The following BCLAF3 variants were observed in gnomAD, a reference collection of about 807,000 sequenced individuals.
BCLAF3 encodes the protein BCLAF1 and THRAP3 family member 3.
In BCLAF3, 24 loss-of-function variants were observed where a neutral mutation model predicts 51.2. The observed-to-expected ratio is 0.47, with a 90% CI of 0.34 to 0.66. The LOEUF (loss-of-function observed/expected upper bound fraction) is 0.66. Among genes scored for constraint, BCLAF3 ranks in the 30% least tolerant of loss-of-function variants. The pLI, the probability that BCLAF3 is intolerant of heterozygous loss-of-function variation, is 0.01. For missense variants in BCLAF3, 465 were observed against 525.1 expected, an observed-to-expected ratio of 0.89 and a Z score of 1.12; for synonymous variants, 152 against 176.6, an observed-to-expected ratio of 0.86 and a Z score of 1.10.
At chrX:19,974,150 G>A (rs1373724304) in intron 1 of BCLAF3, among the ~76,000 whole-genome samples, 2 of 111,906 alleles carry the variant, frequency 1.8e-5, no homozygotes, top group African/African-American at 3.3e-5. Flanking sequence ...CTCAAATGCC[G>A]TATTTTCTAT....
In BCLAF3 at chrX:19,916,472, A is replaced by T. The variant is rs938596257; in HGVS notation, c.*833T>A. The T allele has an allele frequency of 1.8e-5, 2 of 112,571 alleles. No homozygotes were observed. The highest frequency in any genetic ancestry group is 1.9e-4 in the Admixed American group (2 of 10,514). The allele number at this position is 112,571 out of a possible 1,213,427, so 9.3% of individuals were successfully genotyped here. ...CTGAACTAAAAGTAAACACTCTATA[A>T]GATGTGCTTGCAAAATGTGTAATGC... On this transcript the variant is annotated 3_prime_UTR_variant, in exon 12 of 12. Coordinates refer to ENST00000379682, the MANE Select transcript of BCLAF3 (RefSeq NM_001367774.2).
chrX:19,933,533 C>T (rs2070641615), intron 10 of BCLAF3, among the ~76,000 whole-genome samples: 1 of 111,099 alleles, frequency 9.0e-6, no homozygotes, highest in Non-Finnish European at 1.9e-5. Flanking sequence ...CATAATTTTA[C>T]AAAAAAAATT....
chrX:19,928,252 A>G (rs1311936454), intron 11 of BCLAF3, among the ~76,000 whole-genome samples: 1 of 110,809 alleles, frequency 9.0e-6, no homozygotes, highest in Non-Finnish European at 1.9e-5. Context: ...AAGAGTATGC[A>G]ATTCCAATTA....
chrX:19,986,195 C>T (rs1340393073), intron 1 of BCLAF3, among the ~76,000 whole-genome samples: 1 of 110,915 alleles, frequency 9.0e-6, no homozygotes, highest in African/African-American at 3.3e-5. Flanking sequence ...AGACCTCTAC[C>T]AAATAAATTT....
At chrX:19,980,847 G>A (rs979644680) in intron 1 of BCLAF3, among the ~76,000 whole-genome samples, 3 of 108,643 alleles carry the variant, frequency 2.8e-5, no homozygotes, top group African/African-American at 1.0e-4. Context: ...GCTGAGACAC[G>A]AGAATCGCTT....
At chrX:19,969,352 T>C (rs1353312643) in intron 2 of BCLAF3, among the ~76,000 whole-genome samples, 5 of 112,072 alleles carry the variant, frequency 4.5e-5, no homozygotes, top group Non-Finnish European at 9.4e-5. Flanking sequence ...CTTTTTTGTG[T>C]GAAATGATGG....
Position 19,935,809 on chromosome X carries a change from C to T in BCLAF3, c.1950G>A (p.Lys650=). The change falls in exon 10 of 12, where the codon AAG becomes AAA. Residue 650 remains lysine (K), a splice_region_variant and synonymous_variant. Transcript: ENST00000379682. ...NHRNTRVRPF[K]SNFRGGRCQP... ...TTAAATGGAAAACAACACTCAATACCTTAAAAGGTCTTACTCTTGTGTTTC... is the reference window on the plus strand; with the variant it reads ...TTAAATGGAAAACAACACTCAATACTTTAAAAGGTCTTACTCTTGTGTTTC... 8.3e-7 allele frequency: 1 copy of T among 1,197,936 alleles called. No homozygotes were observed. The highest frequency in any genetic ancestry group is 1.1e-6 in the Non-Finnish European group (1 of 883,760).
intron 8 of BCLAF3, among the ~76,000 whole-genome samples, chrX:19,939,695 T>C (rs969609393): frequency 8.9e-6 from 1 of 112,095 alleles, no homozygotes; most frequent in Non-Finnish European, 1.9e-5. Flanking sequence ...AAACAAAATG[T>C]AGTACAGCCA....
At chrX:19,934,942 T>C (rs771547191) in intron 10 of BCLAF3, among the ~76,000 whole-genome samples, 8 of 111,902 alleles carry the variant, frequency 7.1e-5, no homozygotes, top group African/African-American at 2.3e-4. Flanking sequence ...TCCCAGCACT[T>C]TGGAAGGCCA....
At chrX:19,988,556 G>C (rs914793915) in intron 1 of BCLAF3, among the ~76,000 whole-genome samples, 2 of 111,705 alleles carry the variant, frequency 1.8e-5, no homozygotes, top group Non-Finnish European at 3.8e-5. Context: ...AGAATCGCTC[G>C]AGCTCAGGAG....
chrX:19,983,128 T>A (rs1037590921), intron 1 of BCLAF3, among the ~76,000 whole-genome samples: 4 of 105,599 alleles, frequency 3.8e-5, no homozygotes, highest in African/African-American at 1.4e-4. Flanking sequence ...CTAAATTTTT[T>A]TGTATTTTTA....
At chrX:19,928,309 G>A (rs1032973700) in intron 11 of BCLAF3, among the ~76,000 whole-genome samples, 8 of 110,783 alleles carry the variant, frequency 7.2e-5, no homozygotes, top group African/African-American at 2.6e-4. Context: ...TCGGCCAGGC[G>A]TGGTAGCTCA....
intron 8 of BCLAF3, among the ~76,000 whole-genome samples, chrX:19,940,939 C>G (rs1336610056): frequency 9.1e-6 from 1 of 110,355 alleles, no homozygotes; most frequent in Non-Finnish European, 1.9e-5. Flanking sequence ...CCTGTTGTTT[C>G]CTGACTTTTT....
intron 2 of BCLAF3, among the ~76,000 whole-genome samples, chrX:19,967,760 G>A (rs896452517): frequency 3.6e-5 from 4 of 111,875 alleles, no homozygotes; most frequent in Non-Finnish European, 3.8e-5. Flanking sequence ...TGGAGTTGGC[G>A]CAACCATGAG....
chrX:19,974,961 A>G (rs185111232), intron 1 of BCLAF3, among the ~76,000 whole-genome samples: 1 of 112,353 alleles, frequency 8.9e-6, no homozygotes, highest in African/African-American at 3.2e-5. Context: ...TATACCTCAA[A>G]GCTGTAAAAA....
chrX:19,916,526 T>C lies in BCLAF3; in HGVS notation c.*779A>G, dbSNP rs190058930. 6.4e-4 allele frequency: 72 copies of C among 112,597 alleles called. No homozygotes were observed. Among genetic ancestry groups the C allele is most frequent in the Non-Finnish European group, 2.1e-4 (11 of 53,229 alleles). The allele number at this position is 112,597 out of a possible 1,213,427, so 9.3% of individuals were successfully genotyped here. A position where few individuals can be genotyped will look rare whatever the true frequency, so the allele number is the denominator to read the frequency against. ...AGTAGTAAAGTACAATTTTCAAATA[T>C]GAGATTTTGTTTGTCAGATTTTTAA... On this transcript the variant is annotated 3_prime_UTR_variant, in exon 12 of 12. Coordinates refer to ENST00000379682, the MANE Select transcript of BCLAF3 (RefSeq NM_001367774.2).
chrX:19,940,654 T>C (rs1215431974), intron 8 of BCLAF3, among the ~76,000 whole-genome samples: 1 of 109,390 alleles, frequency 9.1e-6, no homozygotes, highest in Non-Finnish European at 1.9e-5. Flanking sequence ...CCACATTTTC[T>C]TAATCCAGTC....
rs184381527 is a variant in BCLAF3 at position 19,922,614 on chromosome X, G to A, written c.2107-5280C>T. Among the ~76,000 whole-genome samples, 557 of 111,146 alleles carry A rather than the reference G, an allele frequency of 5.0e-3. 6 individuals are homozygous for A. Among genetic ancestry groups the A allele is most frequent in the African/African-American group, 0.017 (535 of 30,584 alleles). On this transcript the variant is annotated intron_variant, in intron 11 of 11. Coordinates refer to ENST00000379682, the MANE Select transcript of BCLAF3 (RefSeq NM_001367774.2). The stretch of plus-strand genomic sequence containing the variant: ...ACTTTTAAAGATAAAATTCTATGGA[G>A]GGGCCAGGTGCAGTGGCTCATGCCT...
chrX:19,953,841 A>G lies in BCLAF3; in HGVS notation c.1502T>C (p.Met501Thr). Residue 501 changes from methionine (M) to threonine (T), a missense_variant, in exon 6 of 12, where the codon ATG (methionine) becomes ACG (threonine). Coordinates refer to ENST00000379682, the MANE Select transcript of BCLAF3 (RefSeq NM_001367774.2). ...TACATCTGCCTTGTGTATATCTTGC[A>G]TTGTTGAGAAACGCTCATGTAAAGT... ...GITLHERFST[M>T]QDIHKADVNE... 1 of 1,209,388 alleles carries G rather than the reference A, an allele frequency of 8.3e-7. No individual in the cohort carries two copies. The highest frequency in any genetic ancestry group is 1.1e-6 in the Non-Finnish European group (1 of 893,925).
Sources: allele counts gnomAD v4.1 joint callset (sites outside exome capture counted in the v4.1 genomes callset), GRCh38; gene constraint gnomAD v4.1.1; transcripts MANE v1.5; gene names NCBI Gene and HGNC (gene_info 2026-07-23, HGNC 2026-07-21).